PRMT9: variants seen among roughly 807,000 people sequenced by gnomAD.
PRMT9 encodes the protein protein arginine N-methyltransferase 9.
PRMT9 carries 59 observed loss-of-function variants against 83.2 expected under a neutral mutation model. The ratio of observed to expected loss-of-function variants is 0.71; its 90% CI spans 0.57 to 0.88. The LOEUF is 0.88. Among genes scored for constraint, PRMT9 ranks in the 40% least tolerant of loss-of-function variants. The pLI, the probability that PRMT9 is intolerant of heterozygous loss-of-function variation, is 0.00. For missense variants in PRMT9, 947 were observed against 1,021.9 expected, an observed-to-expected ratio of 0.93 and a Z score of 1.00; for synonymous variants, 333 against 353.2, an observed-to-expected ratio of 0.94 and a Z score of 0.64.
chr4:147,670,704 T>C lies in PRMT9; in HGVS notation c.783A>G (p.Leu261=), dbSNP rs139529669. 8 of 1,613,342 alleles carry C rather than the reference T, an allele frequency of 5.0e-6. No individual in the cohort carries two copies. The highest frequency in any genetic ancestry group is 1.7e-5 in the Admixed American group (1 of 59,996). The stretch of plus-strand genomic sequence containing the variant: ...AACTCTCCACAATTCCTTCTCCAAA[T>C]AAACCTGCATCGACAGTTTCTGTTA... The part of the protein sequence containing the change: ...LVVTETVDAG[L]FGEGIVESLI... The change falls in exon 5 of 12, where the codon TTA becomes TTG. Residue 261 remains leucine, a synonymous_variant. Coordinates refer to ENST00000322396, the MANE Select transcript of PRMT9 (RefSeq NM_138364.4).
chr4:147,679,838 A>G (rs926045438), intron 2 of PRMT9, among the ~76,000 whole-genome samples: 2 of 152,230 alleles, frequency 1.3e-5, no homozygotes, highest in African/African-American at 4.8e-5. Context: ...CCTGAAATGC[A>G]TGGCAGCTAG....
intron 9 of PRMT9, 119 bp from the exon 10 acceptor site, chr4:147,643,059 A>T: frequency 1.2e-6 from 1 of 837,460 alleles, no homozygotes; most frequent in South Asian, 1.4e-5. Flanking sequence ...CAAGAGTTCA[A>T]GACCAGCCTG....
intron 6 of PRMT9, among the ~76,000 whole-genome samples, chr4:147,661,942 G>A (rs530120578): frequency 6.6e-6 from 1 of 152,070 alleles, no homozygotes; most frequent in African/African-American, 2.4e-5. Flanking sequence ...AGACTACTTT[G>A]TAGTACCAAT....
At chr4:147,639,238 C>A (rs1198900898) in intron 10 of PRMT9, 156 bp from the exon 11 acceptor site, 5 of 642,152 alleles carry the variant, frequency 7.8e-6, no homozygotes, top group Non-Finnish European at 1.3e-5. Flanking sequence ...CCTTTATATT[C>A]CCACATCAAG....
chr4:147,655,216 T>G (rs545873701), intron 8 of PRMT9, among the ~76,000 whole-genome samples: 1 of 152,360 alleles, frequency 6.6e-6, no homozygotes, highest in South Asian at 2.1e-4. Flanking sequence ...CAGGCTGGGA[T>G]GCAGTGGTGT....
intron 9 of PRMT9, among the ~76,000 whole-genome samples, chr4:147,645,512 T>C (rs760130330): frequency 7.9e-5 from 12 of 152,208 alleles, no homozygotes; most frequent in Non-Finnish European, 1.6e-4. Flanking sequence ...TATTGTGATA[T>C]GTAGGGGAAA....
rs530410356 is a variant in PRMT9, at chr4:147,671,437, T to C, written c.744-694A>G. Among the ~76,000 whole-genome samples, 57 of 152,336 alleles carry C rather than the reference T, an allele frequency of 3.7e-4. No individual in the cohort carries two copies. In the South Asian group the frequency reaches 0.01, roughly 28 times the overall value. ...TTTACTCAAAGACATACGAAAATAG[T>C]TTCTCCCTTCTCTGAACTCCTTCAG... On this transcript the variant is annotated intron_variant, in intron 4 of 11. Coordinates refer to ENST00000322396, the MANE Select transcript of PRMT9 (RefSeq NM_138364.4).
chr4:147,643,018 G>C, intron 9 of PRMT9, 78 bp from the exon 10 acceptor site: 1 of 1,335,898 alleles, frequency 7.5e-7, no homozygotes, highest in Non-Finnish European at 1.1e-6. Flanking sequence ...CTAGCACTTT[G>C]GGAGGCCAAG....
At chr4:147,640,333 A>G (rs575160369) in intron 10 of PRMT9, among the ~76,000 whole-genome samples, 1 of 151,988 alleles carries the variant, frequency 6.6e-6, no homozygotes, top group East Asian at 1.9e-4. Context: ...TTGGCCTCCC[A>G]AAGGGCTAGG....
chr4:147,643,297 C>A (rs1020771684), intron 9 of PRMT9, among the ~76,000 whole-genome samples: 1 of 151,830 alleles, frequency 6.6e-6, no homozygotes, highest in Non-Finnish European at 1.5e-5. Flanking sequence ...AAAAAAAAAC[C>A]CTTTGTAATC....
In PRMT9 at chr4:147,679,888, C is replaced by T. The variant is rs574431141; in HGVS notation, c.338+435G>A. On this transcript the variant is annotated intron_variant, in intron 2 of 11. Coordinates refer to ENST00000322396, the MANE Select transcript of PRMT9 (RefSeq NM_138364.4). ...CAGCAGCTTCCCCAAGGCTTCTTACCCTACTACATGGTTTTGTAATGGAGT... is the reference window on the plus strand; with the variant it reads ...CAGCAGCTTCCCCAAGGCTTCTTACTCTACTACATGGTTTTGTAATGGAGT... Among the ~76,000 whole-genome samples the T allele has an allele frequency of 6.0e-4, 92 of 152,284 alleles. No homozygotes were observed. In the South Asian group the frequency reaches 0.017, roughly 29 times the overall value.
Position 147,661,058 on chromosome 4 carries a change from G to A in PRMT9, c.954-20C>T, listed in dbSNP as rs757241810. ...CCCACTCTGGAGAGAGAGAAAATAG[G>A]GGAGGGGTAGGAAGATGGATTTTTT... On this transcript the variant is annotated intron_variant, in intron 6 of 11. Transcript: ENST00000322396. 2.0e-6 allele frequency: 3 copies of A among 1,527,204 alleles called. No individual in the cohort carries two copies. Among genetic ancestry groups the A allele is most frequent in the East Asian group, 4.5e-5 (2 of 44,372 alleles). The allele number at this position is 1,527,204 out of a possible 1,614,324, so 94.6% of individuals were successfully genotyped here.
In PRMT9 at chr4:147,639,086, G is replaced by C. The variant is rs759111616; in HGVS notation, c.2200-4C>G. The C allele has an allele frequency of 3.1e-6, 5 of 1,613,256 alleles. No individual in the cohort carries two copies. The highest frequency in any genetic ancestry group is 2.2e-5 in the South Asian group (2 of 91,056). The stretch of plus-strand genomic sequence containing the variant: ...CCAAAAATACACGTATAGGTACCTA[G>C]AGAAAGTATAAATTTTTCACTTTCA... On this transcript the variant is annotated splice_region_variant and splice_polypyrimidine_tract_variant and intron_variant, in intron 10 of 11. Coordinates refer to ENST00000322396, the MANE Select transcript of PRMT9 (RefSeq NM_138364.4).
chr4:147,657,694 T>A (rs1241696041), intron 8 of PRMT9, 98 bp downstream of exon 8: 1 of 900,144 alleles, frequency 1.1e-6, no homozygotes, highest in Non-Finnish European at 1.8e-6. Context: ...CTCCTTTGAC[T>A]GAAACCTTCA....
Position 147,672,978 on chromosome 4 carries a change from G to T in PRMT9, c.724C>A (p.Pro242Thr). ...LHTKSLDIEI[P>T]KHIPERVSLV... is the part of the protein sequence containing the mutation. The stretch of plus-strand genomic sequence containing the variant: ...TAATACCTTTCGGGAATATGTTTTG[G>T]AATCTCTATGTCAAGTGACTTCGTA... Residue 242 changes from proline (P) to threonine (T), a missense_variant, in exon 4 of 12, where the codon CCA (proline) becomes ACA (threonine). Physicochemically the swap from Pro to Thr is conservative, Grantham distance 38 (BLOSUM62 -1). Coordinates refer to ENST00000322396, the MANE Select transcript of PRMT9 (RefSeq NM_138364.4). The T allele has an allele frequency of 6.2e-7, 1 of 1,613,636 alleles. No homozygotes were observed. Among genetic ancestry groups the T allele is most frequent in the Non-Finnish European group, 8.5e-7 (1 of 1,179,726 alleles).
Position 147,638,299 on chromosome 4 carries a change from T to C in PRMT9, c.*233A>G, listed in dbSNP as rs1733144989. On this transcript the variant is annotated 3_prime_UTR_variant, in exon 12 of 12. Coordinates refer to ENST00000322396, the MANE Select transcript of PRMT9 (RefSeq NM_138364.4). Reference sequence around the variant, plus strand: ...TTCTGTAAAATCGAGCAAAAGAAGTTTCCTAATTTAAAAAACTAGTGATGT... The same window carrying C: ...TTCTGTAAAATCGAGCAAAAGAAGTCTCCTAATTTAAAAAACTAGTGATGT... 1 of 528,742 alleles carries C rather than the reference T, an allele frequency of 1.9e-6. No homozygotes were observed. The highest frequency in any genetic ancestry group is 3.4e-6 in the Non-Finnish European group (1 of 297,304). The allele number at this position is 528,742 out of a possible 1,614,324, so 32.8% of individuals were successfully genotyped here.
At chr4:147,674,099 T>C (rs934071811) in intron 2 of PRMT9, among the ~76,000 whole-genome samples, 6 of 152,186 alleles carry the variant, frequency 3.9e-5, no homozygotes, top group Non-Finnish European at 7.4e-5. Context: ...GACAAACAAG[T>C]ACCTGACTAT....
chr4:147,662,211 A>T (rs920884471), intron 6 of PRMT9, among the ~76,000 whole-genome samples: 1 of 152,236 alleles, frequency 6.6e-6, no homozygotes, highest in Admixed American at 6.5e-5. Flanking sequence ...AACAAACTAA[A>T]CACAAAAGAA....
intron 8 of PRMT9, among the ~76,000 whole-genome samples, chr4:147,655,338 T>C (rs1381351246): frequency 2.6e-5 from 4 of 151,756 alleles, no homozygotes; most frequent in Non-Finnish European, 4.4e-5. Context: ...ATTTTTTTTT[T>C]TTTAAATAGA....
Sources: gnomAD v4.1 joint callset for allele counts (sites outside exome capture counted in the v4.1 genomes callset) on GRCh38, gnomAD v4.1.1 for gene constraint, MANE v1.5 for transcripts, NCBI Gene and HGNC (gene_info 2026-07-23, HGNC 2026-07-21) for gene names.